NEIL3: variants seen among roughly 807,000 people sequenced by gnomAD.
NEIL3 encodes endonuclease 8-like 3.
Under a neutral mutation model 57.5 loss-of-function variants are expected in NEIL3, and 48 were observed. The observed-to-expected ratio is 0.83, with a 90% CI of 0.66 to 1.06. NEIL3 has a LOEUF of 1.06. Ranked by LOEUF, NEIL3 falls within the 50% of genes least tolerant of loss-of-function variation. The pLI, the probability that NEIL3 is intolerant of heterozygous loss-of-function variation, is 0.00. For synonymous variants in NEIL3, 261 were observed against 253.2 expected (o/e 1.03, Z -0.29); for missense variants, 717 against 739.1 (o/e 0.97, Z 0.35).
rs907429634 is a variant in NEIL3 at position 177,360,500 on chromosome 4, C to T, written c.1461-3C>T. On this transcript the variant is annotated splice_polypyrimidine_tract_variant and splice_region_variant and intron_variant, in intron 8 of 9. Transcript: ENST00000264596. ...GTACTTATTTTGTAACCTGTCATTACAGTGAACTTCAAATTAATATGACAG... is the reference window on the plus strand; with the variant it reads ...GTACTTATTTTGTAACCTGTCATTATAGTGAACTTCAAATTAATATGACAG... The T allele has an allele frequency of 6.2e-7, 1 of 1,612,152 alleles. No individual in the cohort carries two copies. Among genetic ancestry groups the T allele is most frequent in the Non-Finnish European group, 8.5e-7 (1 of 1,178,750 alleles).
At chr4:177,351,956 A>G (rs3805170) in intron 7 of NEIL3, among the ~76,000 whole-genome samples, 87,031 of 152,068 alleles carry the variant, frequency 0.57, 25,104 homozygotes, top group Middle Eastern at 0.71. Flanking sequence ...GAATAGAAAA[A>G]TGCTGAATTT....
At chr4:177,310,237 A>G in intron 1 of NEIL3, 128 bp downstream of exon 1, 1 of 1,081,200 alleles carries the variant, frequency 9.2e-7, no homozygotes. Context: ...CCCACCTTTC[A>G]CAGAGTTTAT....
chr4:177,339,861 A>C lies in NEIL3; in HGVS notation c.702+4A>C. 1 of 1,604,770 alleles carries C rather than the reference A, an allele frequency of 6.2e-7. No homozygotes were observed. The highest frequency in any genetic ancestry group is 8.5e-7 in the Non-Finnish European group (1 of 1,171,732). On this transcript the variant is annotated splice_donor_region_variant and intron_variant, in intron 5 of 9. Transcript: ENST00000264596. The stretch of plus-strand genomic sequence containing the variant: ...TTTCAGCATTCTCTTTTACAGGGTA[A>C]GAGCAAAATTTTTCAACTGTGTAAA...
intron 6 of NEIL3, among the ~76,000 whole-genome samples, chr4:177,349,990 G>A (rs35102244): frequency 1.8e-3 from 281 of 152,314 alleles, no homozygotes; most frequent in Middle Eastern, 3.4e-3. Flanking sequence ...AAATTCTGTA[G>A]AAGATCTGAT....
intron 6 of NEIL3, among the ~76,000 whole-genome samples, chr4:177,347,664 A>G (rs900437274): frequency 2.0e-5 from 3 of 151,982 alleles, no homozygotes; most frequent in Non-Finnish European, 2.9e-5. Context: ...CGGGGAAGAG[A>G]GAGAAGGTGG....
chr4:177,339,766 G>T lies in NEIL3; in HGVS notation c.628-17G>T, dbSNP rs1355528572. ...GCAAGTCATGAAACTAGGCTCTGCTGTTTTTTCCACTTCAAGGTTTGTCAA... is the reference window on the plus strand; with the variant it reads ...GCAAGTCATGAAACTAGGCTCTGCTTTTTTTTCCACTTCAAGGTTTGTCAA... On this transcript the variant is annotated splice_polypyrimidine_tract_variant and intron_variant, in intron 4 of 9. Transcript: ENST00000264596. 6.3e-7 allele frequency: 1 copy of T among 1,590,560 alleles called. No homozygotes were observed. The highest frequency in any genetic ancestry group is 1.3e-5 in the African/African-American group (1 of 74,354).
chr4:177,367,980 A>T, the NEIL3 span, among the ~76,000 whole-genome samples: 1 of 152,234 alleles, frequency 6.6e-6, no homozygotes, highest in South Asian at 2.1e-4. Flanking sequence ...TAGGTTAAGT[A>T]GGAAGTGTGT....
intron 1 of NEIL3, among the ~76,000 whole-genome samples, chr4:177,321,740 T>TGG (rs1170860296): frequency 6.6e-6 from 1 of 152,198 alleles, no homozygotes; most frequent in Non-Finnish European, 1.5e-5. Context: ...ACATTGTGCT[T>TGG]GGAATAGGAC....
At chr4:177,312,373 A>G (rs145183035) in intron 1 of NEIL3, among the ~76,000 whole-genome samples, 67 of 152,218 alleles carry the variant, frequency 4.4e-4, no homozygotes, top group African/African-American at 1.5e-3. Context: ...TTTTTAGCAT[A>G]CAACGGTAAG....
chr4:177,370,923 GA>G, the NEIL3 span, among the ~76,000 whole-genome samples: 3 of 149,242 alleles, frequency 2.0e-5, no homozygotes, highest in African/African-American at 4.9e-5. Context: ...AAGTGATGAA[GA>G]AAAAAGTGAA....
At chr4:177,346,167 C>A (rs931240015) in intron 6 of NEIL3, among the ~76,000 whole-genome samples, 8 of 152,020 alleles carry the variant, frequency 5.3e-5, no homozygotes, top group African/African-American at 1.9e-4. Flanking sequence ...CTCTCTAATT[C>A]AGTTGAATTA....
intron 1 of NEIL3, among the ~76,000 whole-genome samples, chr4:177,313,996 T>TG (rs1734523595): frequency 6.6e-6 from 1 of 152,136 alleles, no homozygotes; most frequent in African/African-American, 2.4e-5. Flanking sequence ...TTCTTCAAAG[T>TG]GGGGGAAAAA....
chr4:177,319,565 G>A (rs1734635061), intron 1 of NEIL3, among the ~76,000 whole-genome samples: 2 of 152,090 alleles, frequency 1.3e-5, no homozygotes, highest in South Asian at 2.1e-4. Context: ...CCTGGGCAAT[G>A]CACACTATAC....
intron 2 of NEIL3, among the ~76,000 whole-genome samples, chr4:177,331,811 A>T (rs916426757): frequency 1.3e-5 from 2 of 152,102 alleles, no homozygotes; most frequent in African/African-American, 2.4e-5. Context: ...AAAGTAGTTG[A>T]CCTTCGTTTG....
In NEIL3 at chr4:177,340,424, C is replaced by T. The variant is rs78347442; in HGVS notation, c.702+567C>T. On this transcript the variant is annotated intron_variant, in intron 5 of 9. Transcript: ENST00000264596. ...ATATGCATATATAGAATTCAATAAACACATCTTTTAAACAAAGTAATGCAA... is the reference window on the plus strand; with the variant it reads ...ATATGCATATATAGAATTCAATAAATACATCTTTTAAACAAAGTAATGCAA... Among the ~76,000 whole-genome samples the T allele has an allele frequency of 2.4e-3, 360 of 152,290 alleles. 1 individual carries two copies. Among genetic ancestry groups the T allele is most frequent in the African/African-American group, 7.7e-3 (322 of 41,562 alleles).
chr4:177,361,002 C>T (rs928797986), intron 9 of NEIL3, among the ~76,000 whole-genome samples: 1 of 152,086 alleles, frequency 6.6e-6, no homozygotes, highest in African/African-American at 2.4e-5. Context: ...GCTAATAATC[C>T]AAGGTAAGAA....
chr4:177,338,929 A>G (rs1397947518), intron 4 of NEIL3, among the ~76,000 whole-genome samples: 1 of 152,226 alleles, frequency 6.6e-6, no homozygotes, highest in Non-Finnish European at 1.5e-5. Flanking sequence ...AAGATGTCTA[A>G]TACAGAATAA....
At position 177,310,066 on chromosome 4, in the gene NEIL3, G is replaced by GC; in HGVS notation, c.114dup (p.Ala39ArgfsTer20). Reference sequence around the variant, plus strand: ...AGCGCTCTGCGGAGTCTGCAGGGCCGCGCCTTGCGGCTCGCAGCCTCCACG... The same window carrying GC: ...AGCGCTCTGCGGAGTCTGCAGGGCCGCCGCCTTGCGGCTCGCAGCCTCCACG... On this transcript the variant is annotated frameshift_variant, in exon 1 of 10. Coordinates refer to ENST00000264596, the MANE Select transcript of NEIL3 (RefSeq NM_018248.3). LOFTEE classifies it high-confidence loss of function. The GC allele has an allele frequency of 6.3e-7, 1 of 1,599,070 alleles. No homozygotes were observed. Among genetic ancestry groups the GC allele is most frequent in the East Asian group, 2.3e-5 (1 of 43,768 alleles).
intron 8 of NEIL3, among the ~76,000 whole-genome samples, chr4:177,357,192 C>G (rs747882522): frequency 6.6e-6 from 1 of 152,188 alleles, no homozygotes; most frequent in African/African-American, 2.4e-5. Flanking sequence ...AATCTACATT[C>G]AGTGAGACCG....
Sources: allele counts gnomAD v4.1 joint callset (sites outside exome capture counted in the v4.1 genomes callset), GRCh38; gene constraint gnomAD v4.1.1; transcripts MANE v1.5; gene names NCBI Gene and HGNC (gene_info 2026-07-23, HGNC 2026-07-21).